Variants in PON3 observed in about 807,000 individuals in gnomAD.
PON3 encodes the protein paraoxonase 3, also known as serum paraoxonase/lactonase 3.
PON3 carries 37 observed loss-of-function variants against 36.3 expected under a neutral mutation model. The observed-to-expected ratio is 1.02, with a 90% CI of 0.78 to 1.34. The LOEUF (loss-of-function observed/expected upper bound fraction) is 1.34. PON3 is among the 40% of genes most tolerant of loss of function. PON3 has a pLI of 0.00. For missense variants in PON3, 415 were observed against 426.5 expected, an observed-to-expected ratio of 0.97 and a Z score of 0.24; for synonymous variants, 155 against 154.8, an observed-to-expected ratio of 1.00 and a Z score of -0.01.
chr7:95,387,078 G>T (rs1355662000), intron 3 of PON3, among the ~76,000 whole-genome samples: 1 of 152,132 alleles, frequency 6.6e-6, no homozygotes, highest in East Asian at 1.9e-4. Flanking sequence ...ACCTGCACAA[G>T]ACAAGGATGC....
At chr7:95,384,538 C>T (rs55955993) in intron 3 of PON3, among the ~76,000 whole-genome samples, 16 of 152,086 alleles carry the variant, frequency 1.1e-4, no homozygotes, top group East Asian at 5.8e-4. Flanking sequence ...AAGTGGGCAA[C>T]GGATATGAAC....
intron 8 of PON3, 151 bp from the exon 9 acceptor site, chr7:95,360,282 G>A: frequency 1.2e-6 from 1 of 820,544 alleles, no homozygotes. Flanking sequence ...TCTGATGAAA[G>A]TACTAATGTC....
intron 8 of PON3, among the ~76,000 whole-genome samples, chr7:95,362,066 C>T (rs1051066327): frequency 1.3e-5 from 2 of 152,106 alleles, no homozygotes; most frequent in Admixed American, 6.6e-5. Flanking sequence ...CAAGACCTAC[C>T]TGCTCAGAGA....
chr7:95,375,102 T>C (rs1808885809), intron 3 of PON3, among the ~76,000 whole-genome samples: 1 of 152,028 alleles, frequency 6.6e-6, no homozygotes, highest in Non-Finnish European at 1.5e-5. Context: ...TCTATTCTTC[T>C]CAGTTAAGGA....
intron 4 of PON3, among the ~76,000 whole-genome samples, chr7:95,369,909 T>G (rs17879931): frequency 0.028 from 4,249 of 152,152 alleles, 114 homozygotes; most frequent in African/African-American, 0.068. Context: ...TTAAGCTGAG[T>G]CTTCAATGAT....
At chr7:95,376,706 T>G (rs745871542) in intron 3 of PON3, among the ~76,000 whole-genome samples, 3 of 152,034 alleles carry the variant, frequency 2.0e-5, no homozygotes, top group Non-Finnish European at 4.4e-5. Context: ...GTAAAGAAAT[T>G]TCCTAGTTAT....
intron 5 of PON3, among the ~76,000 whole-genome samples, chr7:95,366,469 T>A (rs1232378210): frequency 2.0e-5 from 3 of 152,240 alleles, no homozygotes; most frequent in Non-Finnish European, 2.9e-5. Context: ...ATACATGATG[T>A]TGAGAAAGAG....
chr7:95,381,920 C>T (rs573524935), intron 3 of PON3, among the ~76,000 whole-genome samples: 7 of 152,308 alleles, frequency 4.6e-5, no homozygotes, highest in Admixed American at 4.6e-4. Flanking sequence ...CACCACATTG[C>T]ACTTATTTCA....
Position 95,361,673 on chromosome 7 carries a change from C to G in PON3, c.906+689G>C, listed in dbSNP as rs559240179. ...TATATCCTAAACATAAGTACAATGT[C>G]TGACACATTACAGGTACTCAATAAA... On this transcript the variant is annotated intron_variant, in intron 8 of 8. Transcript: ENST00000265627. Among the ~76,000 whole-genome samples, 5 of 152,234 alleles carry G rather than the reference C, an allele frequency of 3.3e-5. No individual in the cohort carries two copies. The South Asian group carries it at 1.0e-3, about 32-fold the overall frequency.
chr7:95,383,500 CAA>C (rs1468301408), intron 3 of PON3, among the ~76,000 whole-genome samples: 15 of 152,188 alleles, frequency 9.9e-5, no homozygotes, highest in African/African-American at 3.4e-4. Flanking sequence ...GCAAATTCAG[CAA>C]AGTCTCAGGA....
chr7:95,390,086 G>A, intron 3 of PON3, 68 bp downstream of exon 3: 1 of 1,455,974 alleles, frequency 6.9e-7, no homozygotes, highest in Non-Finnish European at 9.6e-7. Context: ...CAGCTCCAGA[G>A]GACAACATTA....
In PON3 at chr7:95,396,372, G is replaced by C. The variant is rs751654118; in HGVS notation, c.-22C>G. 6.2e-7 allele frequency: 1 copy of C among 1,612,632 alleles called. No homozygotes were observed. The highest frequency in any genetic ancestry group is 1.3e-5 in the African/African-American group (1 of 74,882). On this transcript the variant is annotated 5_prime_UTR_variant, in exon 1 of 9. Transcript: ENST00000265627. ...CCATGGTCTCGGGGTGCCCAGCGGC[G>C]ACTGCGCGGCGCCGAGAGCTCTCGG...
At chr7:95,370,947 G>A (rs946199915) in intron 4 of PON3, among the ~76,000 whole-genome samples, 2 of 152,084 alleles carry the variant, frequency 1.3e-5, no homozygotes, top group African/African-American at 4.8e-5. Flanking sequence ...CTACTCATTA[G>A]CTGTCATTCC....
At chr7:95,382,686 G>A (rs1298500220) in intron 3 of PON3, among the ~76,000 whole-genome samples, 4 of 152,074 alleles carry the variant, frequency 2.6e-5, no homozygotes, top group Admixed American at 1.3e-4. Flanking sequence ...ACCAATAACA[G>A]GCTCTGAAAT....
At chr7:95,383,256 G>A (rs1251177080) in intron 3 of PON3, among the ~76,000 whole-genome samples, 1 of 152,242 alleles carries the variant, frequency 6.6e-6, no homozygotes, top group South Asian at 2.1e-4. Flanking sequence ...ATACTGAATG[G>A]GCAAAAACTG....
At chr7:95,395,294 G>A (rs1249129237) in intron 1 of PON3, among the ~76,000 whole-genome samples, 1 of 152,082 alleles carries the variant, frequency 6.6e-6, no homozygotes, top group Admixed American at 6.5e-5. Flanking sequence ...TGTTTCCAGA[G>A]TGAAAAGGAA....
At chr7:95,392,193 A>T (rs574795695) in intron 2 of PON3, among the ~76,000 whole-genome samples, 1 of 152,370 alleles carries the variant, frequency 6.6e-6, no homozygotes, top group African/African-American at 2.4e-5. Context: ...TCCTACTGAC[A>T]CATGACCCAT....
Position 95,364,831 on chromosome 7 carries a change from A to G in PON3, c.495-768T>C, listed in dbSNP as rs537796389. The G allele has an allele frequency of 4.6e-5, 7 of 152,250 alleles. 1 individual carries two copies. In the South Asian group the frequency reaches 1.5e-3, roughly 32 times the overall value. 9.4% of individuals were successfully genotyped at this position (152,250 alleles called of 1,614,324 possible). ...ATTCTTTCTTACGTTCTTCAATATC[A>G]TTGACATTTTAAAATAGAGCAAGTC... On this transcript the variant is annotated intron_variant, in intron 5 of 8. Transcript: ENST00000265627.
At chr7:95,384,515 A>AC (rs201436572) in intron 3 of PON3, among the ~76,000 whole-genome samples, 4,235 of 151,890 alleles carry the variant, frequency 0.028, 109 homozygotes, top group African/African-American at 0.068. Context: ...CAAGAAAAAA[A>AC]CACCCCACCA....
Sources: allele counts gnomAD v4.1 joint callset (sites outside exome capture counted in the v4.1 genomes callset), GRCh38; gene constraint gnomAD v4.1.1; transcripts MANE v1.5; gene names NCBI Gene and HGNC (gene_info 2026-07-23, HGNC 2026-07-21).